IDE: variants seen among roughly 807,000 people sequenced by gnomAD.
IDE encodes insulin-degrading enzyme.
IDE carries 58 observed loss-of-function variants against 133.2 expected under a neutral mutation model. The observed-to-expected ratio is 0.44, with a 90% CI of 0.35 to 0.54. IDE has a LOEUF of 0.54. Ranked by LOEUF, IDE falls within the 20% of genes least tolerant of loss-of-function variation. The probability of loss-of-function intolerance (pLI) is 0.00; values close to 1 mark genes in which losing one functional copy is unlikely to be tolerated. For missense variants in IDE, 981 were observed against 1,234.0 expected, an observed-to-expected ratio of 0.79 and a Z score of 3.07; for synonymous variants, 396 against 421.3, an observed-to-expected ratio of 0.94 and a Z score of 0.73.
rs61860640 is a variant in IDE, at chr10:92,510,212, C to T, written c.785-50G>A. On this transcript the variant is annotated intron_variant, in intron 5 of 24. Transcript: ENST00000265986. ...CAGAACTTAAGCGAATCATAACATC[C>T]AACAGGGAGTGCTTAAAATCTTAGG... The T allele has an allele frequency of 2.5e-3, 2,271 of 919,284 alleles. 5 individuals carry two copies. The highest frequency in any genetic ancestry group is 3.5e-3 in the Non-Finnish European group (2,018 of 576,414). 56.9% of individuals were successfully genotyped at this position (919,284 alleles called of 1,614,324 possible). A position where few individuals can be genotyped will look rare whatever the true frequency, so the allele number is the denominator to read the frequency against.
intron 11 of IDE, among the ~76,000 whole-genome samples, chr10:92,501,619 G>A (rs970003173): frequency 2.7e-5 from 4 of 150,742 alleles, no homozygotes; most frequent in African/African-American, 4.9e-5. Flanking sequence ...GCAGTGAGCC[G>A]AGATTGCGCC....
rs537262958 is a variant in IDE at position 92,534,404 on chromosome 10, G to A, written c.491+174C>T. Among the ~76,000 whole-genome samples the A allele has an allele frequency of 4.5e-4, 69 of 152,234 alleles. 1 individual carries two copies. In the South Asian group the frequency reaches 0.013, roughly 29 times the overall value. ...CAATAAAATATTTTGTAGGCCTGAA[G>A]GCTCATTTAAAATATGACATCACTC... On this transcript the variant is annotated intron_variant, in intron 3 of 24. Transcript: ENST00000265986.
chr10:92,514,434 C>T (rs1314467358), intron 5 of IDE, among the ~76,000 whole-genome samples: 1 of 150,676 alleles, frequency 6.6e-6, no homozygotes, highest in African/African-American at 2.4e-5. Context: ...AATCTTTGTC[C>T]TTTTTGTGTG....
rs368772960 is a variant in IDE at position 92,483,284 on chromosome 10, C to A, written c.1710G>T (p.Pro570=). Residue 570 remains proline (P), a synonymous_variant, in exon 14 of 25, where the codon CCG becomes CCT. Transcript: ENST00000265986. The stretch of plus-strand genomic sequence containing the variant: ...AAAATTCAAAGTTGAGACAAGCCTT[C>A]GGCAAAAAAAACTTATCATCTTGTT... ...WFKQDDKFFL[P]KACLNFEFFS... is the part of the protein sequence containing the mutation. 4 of 1,606,224 alleles carry A rather than the reference C, an allele frequency of 2.5e-6. No homozygotes were observed.
At position 92,532,065 on chromosome 10, in the gene IDE, A is replaced by G. The variant is rs1267973527; in HGVS notation, c.492-148T>C. ...CCATTGCTACTAAGAAAAAAGGAGT[A>G]TAAAATAAGTGCTATGTAACAGAAG... On this transcript the variant is annotated intron_variant, in intron 3 of 24. Coordinates refer to ENST00000265986, the MANE Select transcript of IDE (RefSeq NM_004969.4). 7.7e-6 allele frequency: 4 copies of G among 521,452 alleles called. No homozygotes were observed. In the Admixed American group the frequency reaches 1.4e-4, roughly 19 times the overall value. 32.3% of individuals were successfully genotyped at this position (521,452 alleles called of 1,614,324 possible). A position where few individuals can be genotyped will look rare whatever the true frequency, so the allele number is the denominator to read the frequency against.
Position 92,456,452 on chromosome 10 carries a change from G to C in IDE, c.2824-21C>G, listed in dbSNP as rs1722209256. On this transcript the variant is annotated intron_variant, in intron 22 of 24. Transcript: ENST00000265986. ...ATTTCCTAGGCACAAAGAAGAGCAG[G>C]GTCACCCTTTTGCTCCACTAAAGAA... 1.9e-6 allele frequency: 3 copies of C among 1,584,600 alleles called. No individual in the cohort carries two copies. In the African/African-American group the frequency reaches 4.0e-5, roughly 21 times the overall value.
At chr10:92,564,478 C>T (rs539628564) in intron 1 of IDE, among the ~76,000 whole-genome samples, 1 of 151,776 alleles carries the variant, frequency 6.6e-6, no homozygotes, top group South Asian at 2.1e-4. Context: ...TGGAGACCAG[C>T]CTGGCCAACA....
chr10:92,480,261 G>C (rs1846525252), intron 14 of IDE, among the ~76,000 whole-genome samples: 1 of 152,196 alleles, frequency 6.6e-6, no homozygotes, highest in South Asian at 2.1e-4. Context: ...AGAAAGTAAA[G>C]GTCTCACTCA....
chr10:92,471,625 T>C (rs1215435200), intron 17 of IDE, among the ~76,000 whole-genome samples: 2 of 152,180 alleles, frequency 1.3e-5, no homozygotes, highest in Non-Finnish European at 2.9e-5. Context: ...CTTGTCTCTC[T>C]CTATTAAAAT....
intron 1 of IDE, among the ~76,000 whole-genome samples, chr10:92,552,846 A>C (rs1021137255): frequency 8.3e-6 from 1 of 119,822 alleles, no homozygotes; most frequent in Non-Finnish European, 1.8e-5. Context: ...TGACAGAGTA[A>C]GACTCAGTCT....
At chr10:92,525,888 G>A (rs994900238) in intron 4 of IDE, among the ~76,000 whole-genome samples, 1 of 152,040 alleles carries the variant, frequency 6.6e-6, no homozygotes, top group African/African-American at 2.4e-5. Context: ...TGGGCGCAGT[G>A]GCTCACACCT....
At chr10:92,479,619 G>T (rs1326950055) in intron 14 of IDE, 198 bp from the exon 15 acceptor site, 4 of 525,202 alleles carry the variant, frequency 7.6e-6, no homozygotes. Flanking sequence ...GAGTGTGTGT[G>T]TGTGTGTGTG....
At chr10:92,483,108 T>C (rs1444939694) in intron 14 of IDE, 147 bp downstream of exon 14, 1 of 585,456 alleles carries the variant, frequency 1.7e-6, no homozygotes, top group Non-Finnish European at 3.0e-6. Flanking sequence ...CTTTTATTTA[T>C]TTATTTTTTT....
chr10:92,487,285 T>C lies in IDE; in HGVS notation c.1567A>G (p.Lys523Glu). 2 of 1,612,290 alleles carry C rather than the reference T, an allele frequency of 1.2e-6. No homozygotes were observed. The highest frequency in any genetic ancestry group is 1.7e-6 in the Non-Finnish European group (2 of 1,179,154). ...ATAAATTCATTCTTTGTAGGAAGTT[T>C]AAATTTCCCATTCAGGTCAGCATTT... The part of the protein sequence containing the change: ...WQNADLNGKF[K>E]LPTKNEFIPT... The change falls in exon 13 of 25, where the codon AAA becomes GAA. Residue 523 changes from lysine (K) to glutamate (E), a missense_variant. Coordinates refer to ENST00000265986, the MANE Select transcript of IDE (RefSeq NM_004969.4).
rs368964972 is a variant in IDE, at chr10:92,529,237, T to G, written c.661+2511A>C. Among the ~76,000 whole-genome samples the G allele has an allele frequency of 2.0e-5, 3 of 152,346 alleles. No individual in the cohort carries two copies. In the East Asian group the frequency reaches 5.8e-4, roughly 29 times the overall value. On this transcript the variant is annotated intron_variant, in intron 4 of 24. Coordinates refer to ENST00000265986, the MANE Select transcript of IDE (RefSeq NM_004969.4). ...GATCACTTTTGCAAAGTTTTCAATA[T>G]GCATAATATCTGAGATAAGGGCATA...
At chr10:92,460,629 T>C (rs1213907897) in intron 22 of IDE, among the ~76,000 whole-genome samples, 2 of 152,092 alleles carry the variant, frequency 1.3e-5, no homozygotes. Flanking sequence ...TTGCAAAATA[T>C]CTCATAATGT....
At chr10:92,484,189 G>A (rs936909513) in intron 13 of IDE, among the ~76,000 whole-genome samples, 10 of 152,122 alleles carry the variant, frequency 6.6e-5, no homozygotes, top group Non-Finnish European at 1.2e-4. Flanking sequence ...GAGGTGGGTG[G>A]ATCATGAGGC....
intron 11 of IDE, among the ~76,000 whole-genome samples, chr10:92,502,655 G>A (rs987290251): frequency 1.3e-5 from 2 of 152,138 alleles, no homozygotes; most frequent in African/African-American, 4.8e-5. Flanking sequence ...ACTAAACTAC[G>A]TCAGGCATGA....
At chr10:92,486,009 T>C (rs1206286548) in intron 13 of IDE, among the ~76,000 whole-genome samples, 3 of 151,706 alleles carry the variant, frequency 2.0e-5, no homozygotes, top group Non-Finnish European at 4.4e-5. Context: ...GTAAATGAAC[T>C]TTCTCTTTGC....
Sources: gnomAD v4.1 joint callset for allele counts (sites outside exome capture counted in the v4.1 genomes callset) on GRCh38, gnomAD v4.1.1 for gene constraint, MANE v1.5 for transcripts, NCBI Gene and HGNC (gene_info 2026-07-23, HGNC 2026-07-21) for gene names.